LRBA: variants seen among roughly 807,000 people sequenced by gnomAD.
LRBA encodes the protein LPS responsive beige-like anchor protein.
Under a neutral mutation model 330.0 loss-of-function variants are expected in LRBA, and 176 were observed. The ratio of observed to expected loss-of-function variants is 0.53; its 90% CI spans 0.47 to 0.60. The LOEUF (loss-of-function observed/expected upper bound fraction) is 0.60. Ranked by LOEUF, LRBA falls within the 20% of genes least tolerant of loss-of-function variation. LRBA has a pLI of 0.00. For synonymous variants in LRBA, 1,230 were observed against 1,193.0 expected, an observed-to-expected ratio of 1.03 and a Z score of -0.64; for missense variants, 3,259 against 3,444.8, an observed-to-expected ratio of 0.95 and a Z score of 1.35.
intron 29 of LRBA, among the ~76,000 whole-genome samples, chr4:150,830,025 C>T (rs1038252147): frequency 6.6e-5 from 10 of 152,110 alleles, no homozygotes; most frequent in African/African-American, 2.2e-4. Flanking sequence ...ATCTGACTGC[C>T]TCTCACCATC....
chr4:150,462,769 T>C (rs1333053210), intron 44 of LRBA, among the ~76,000 whole-genome samples: 1 of 151,904 alleles, frequency 6.6e-6, no homozygotes, highest in Non-Finnish European at 1.5e-5. Flanking sequence ...TAAGATCTGT[T>C]TGTATTCTAC....
intron 40 of LRBA, among the ~76,000 whole-genome samples, chr4:150,501,704 C>T (rs1189454381): frequency 1.3e-5 from 2 of 152,004 alleles, no homozygotes; most frequent in Non-Finnish European, 2.9e-5. Flanking sequence ...AAAACTACAA[C>T]ATAAAAATTT....
intron 37 of LRBA, among the ~76,000 whole-genome samples, chr4:150,619,752 C>T (rs762480094): frequency 7.9e-5 from 12 of 151,840 alleles, no homozygotes; most frequent in Non-Finnish European, 1.0e-4. Flanking sequence ...GCTTCTAGCA[C>T]AAGAAGAAGC....
chr4:150,886,369 G>A (rs1728939213), intron 17 of LRBA, among the ~76,000 whole-genome samples: 1 of 152,144 alleles, frequency 6.6e-6, no homozygotes, highest in Non-Finnish European at 1.5e-5. Flanking sequence ...CTAAATAGCA[G>A]AGAGTAAGAG....
At chr4:150,872,242 T>C (rs1179458932) in intron 18 of LRBA, among the ~76,000 whole-genome samples, 1 of 152,192 alleles carries the variant, frequency 6.6e-6, no homozygotes, top group Non-Finnish European at 1.5e-5. Context: ...AGGTAGAACA[T>C]GAATATCTGT....
At chr4:150,703,159 T>G (rs1212018418) in intron 36 of LRBA, among the ~76,000 whole-genome samples, 4 of 152,024 alleles carry the variant, frequency 2.6e-5, no homozygotes, top group Non-Finnish European at 5.9e-5. Flanking sequence ...AGACTTCGTC[T>G]CCAAAAGAAA....
In LRBA at chr4:150,583,128, G is replaced by A. The variant is rs757924120; in HGVS notation, c.6330+4920C>T. On this transcript the variant is annotated intron_variant, in intron 40 of 56. Transcript: ENST00000651943. This position sits in a 1 kb window ranked among gnomAD's most constrained non-coding sequence, Gnocchi z 9.8. ...CGGCCATCGCCAAAACCATCCGAGA[G>A]GTCTGTAAGGTGGTCTCGGACGTGC... 14 of 1,614,092 alleles carry A rather than the reference G, an allele frequency of 8.7e-6. No homozygotes were observed. Among genetic ancestry groups the A allele is most frequent in the South Asian group, 2.2e-5 (2 of 91,092 alleles).
rs947990222 is a variant in LRBA, at chr4:150,960,638, A to G, written c.217-31573T>C. On this transcript the variant is annotated intron_variant, in intron 2 of 56. Transcript: ENST00000651943. ...GAGAGAGGCAGTTGTAATTAGAGGGATTCTAAGATGACTGGCAAAATTCTA... is the reference window on the plus strand; with the variant it reads ...GAGAGAGGCAGTTGTAATTAGAGGGGTTCTAAGATGACTGGCAAAATTCTA... Among the ~76,000 whole-genome samples the G allele has an allele frequency of 3.8e-4, 56 of 149,272 alleles. 1 individual carries two copies. The highest frequency in any genetic ancestry group is 8.8e-5 in the Non-Finnish European group (6 of 68,014).
At chr4:150,287,552 T>C (rs1382981156) in intron 53 of LRBA, among the ~76,000 whole-genome samples, 1 of 152,198 alleles carries the variant, frequency 6.6e-6, no homozygotes, top group Non-Finnish European at 1.5e-5. Context: ...ACAGTTCCAA[T>C]GCATGTACCA....
At chr4:150,954,107 G>A (rs1299177692) in intron 2 of LRBA, among the ~76,000 whole-genome samples, 1 of 151,490 alleles carries the variant, frequency 6.6e-6, no homozygotes, top group African/African-American at 2.4e-5. Context: ...TCTGGGAAGT[G>A]AGGAGCATCT....
At chr4:150,336,171 G>GCC (rs1407865236) in intron 48 of LRBA, among the ~76,000 whole-genome samples, 1 of 152,132 alleles carries the variant, frequency 6.6e-6, no homozygotes. Flanking sequence ...CAGGTATTAA[G>GCC]CCCCGTACCC....
At chr4:150,988,958 G>A (rs538945663) in intron 2 of LRBA, among the ~76,000 whole-genome samples, 6 of 151,836 alleles carry the variant, frequency 4.0e-5, no homozygotes, top group East Asian at 2.0e-4. Context: ...GGGGGGACAC[G>A]GTAATTATCA....
At chr4:151,010,745 A>C (rs1199925601) in intron 2 of LRBA, among the ~76,000 whole-genome samples, 1 of 152,000 alleles carries the variant, frequency 6.6e-6, no homozygotes, top group African/African-American at 2.4e-5. Context: ...TTAGCCGGGC[A>C]TGGTGGTGCG....
chr4:150,584,175 T>C (rs1771789118), intron 40 of LRBA: 2 of 1,441,482 alleles, frequency 1.4e-6, no homozygotes, highest in East Asian at 4.8e-5. Context: ...AACTCTGCTA[T>C]AAACAGCAGA....
At chr4:150,721,473 A>T in intron 36 of LRBA, 1 of 266,044 alleles carries the variant, frequency 3.8e-6, no homozygotes, top group Non-Finnish European at 7.3e-6. Flanking sequence ...GATCATTGAC[A>T]TTTAAGACCA....
At position 150,265,647 on chromosome 4, in the gene LRBA, G is replaced by C; in HGVS notation, c.*75C>G. ...TTTGAGCAAATTTAAGTTACATTCA[G>C]ATGTGGTAGAAGAGAATGATGCTCC... is the stretch of plus-strand genomic sequence containing the variant. On this transcript the variant is annotated 3_prime_UTR_variant, in exon 57 of 57. Coordinates refer to ENST00000651943, the MANE Select transcript of LRBA (RefSeq NM_001364905.1). The C allele has an allele frequency of 1.1e-6, 1 of 937,690 alleles. No homozygotes were observed. The highest frequency in any genetic ancestry group is 1.4e-5 in the South Asian group (1 of 73,642). 58.1% of individuals were successfully genotyped at this position (937,690 alleles called of 1,614,324 possible).
At chr4:150,914,055 T>A in intron 9 of LRBA, 140 bp downstream of exon 9, 1 of 589,190 alleles carries the variant, frequency 1.7e-6, no homozygotes, top group Non-Finnish European at 2.9e-6. Flanking sequence ...TTGACTATAG[T>A]CACCCTGCTG....
intron 47 of LRBA, among the ~76,000 whole-genome samples, chr4:150,374,402 CCTT>C (rs1209220989): frequency 2.6e-5 from 4 of 152,174 alleles, no homozygotes; most frequent in Non-Finnish European, 5.9e-5. Flanking sequence ...TAGTTCCTTT[CCTT>C]CTTCTTACTG....
At chr4:150,390,661 A>G (rs1014158311) in intron 47 of LRBA, among the ~76,000 whole-genome samples, 3 of 152,138 alleles carry the variant, frequency 2.0e-5, no homozygotes, top group Non-Finnish European at 4.4e-5. Context: ...TCAAGGAAGG[A>G]ATTCTTCCTC....
Sources: gnomAD v4.1 joint callset for allele counts (sites outside exome capture counted in the v4.1 genomes callset) on GRCh38, gnomAD v4.1.1 for gene constraint, Gnocchi (gnomAD v3.1) non-coding constraint, MANE v1.5 for transcripts, NCBI Gene and HGNC (gene_info 2026-07-23, HGNC 2026-07-21) for gene names.